MAD1L1: variants seen among roughly 807,000 people sequenced by gnomAD.
MAD1L1 encodes the protein mitotic arrest deficient 1 like 1, also known as mitotic spindle assembly checkpoint protein MAD1.
In MAD1L1, 95 loss-of-function variants were observed where a neutral mutation model predicts 96.9. That is an observed-to-expected ratio of 0.98 (90% CI 0.83 to 1.16). MAD1L1 has a LOEUF of 1.16. Ranked by LOEUF, MAD1L1 falls within the 50% of genes most tolerant of loss-of-function variation. The probability of loss-of-function intolerance (pLI) is 0.00; values close to 1 mark genes in which losing one functional copy is unlikely to be tolerated. For synonymous variants in MAD1L1, 473 were observed against 396.6 expected, an observed-to-expected ratio of 1.19 and a Z score of -2.29; for missense variants, 1,007 against 954.4, an observed-to-expected ratio of 1.06 and a Z score of -0.73.
intron 10 of MAD1L1, among the ~76,000 whole-genome samples, chr7:2,209,420 C>T (rs1419300088): frequency 6.6e-6 from 1 of 152,198 alleles, no homozygotes; most frequent in African/African-American, 2.4e-5. Flanking sequence ...AGCTCACAGC[C>T]CAGAGCCCAC....
At chr7:1,828,940 G>T (rs1471086850) in intron 18 of MAD1L1, among the ~76,000 whole-genome samples, 1 of 152,146 alleles carries the variant, frequency 6.6e-6, no homozygotes, top group Admixed American at 6.5e-5. Context: ...TACGGGGGAC[G>T]GATCCATGCC....
intron 16 of MAD1L1, among the ~76,000 whole-genome samples, chr7:1,946,290 C>T (rs994911435): frequency 2.6e-5 from 4 of 152,286 alleles, no homozygotes; most frequent in South Asian, 2.1e-4. Context: ...GCCCCGGCCC[C>T]GTGCACCCCA....
At chr7:2,172,695 G>A (rs529681970) in intron 10 of MAD1L1, among the ~76,000 whole-genome samples, 1 of 152,354 alleles carries the variant, frequency 6.6e-6, no homozygotes, top group African/African-American at 2.4e-5. Context: ...CCCTCGCACG[G>A]GTCTCCGTGG....
chr7:2,078,033 G>A (rs539910378), intron 11 of MAD1L1, among the ~76,000 whole-genome samples: 9 of 152,284 alleles, frequency 5.9e-5, no homozygotes, highest in South Asian at 2.1e-4. Flanking sequence ...ATCCACATTC[G>A]CTCCTTGCTA....
intron 18 of MAD1L1, among the ~76,000 whole-genome samples, chr7:1,872,103 C>T (rs1210733601): frequency 1.3e-5 from 2 of 152,180 alleles, no homozygotes; most frequent in African/African-American, 4.8e-5. Context: ...GGGGAGCCTC[C>T]TCCACACCCT....
chr7:2,098,665 C>T (rs961257638), intron 11 of MAD1L1, among the ~76,000 whole-genome samples: 4 of 152,190 alleles, frequency 2.6e-5, no homozygotes, highest in Non-Finnish European at 5.9e-5. Flanking sequence ...GGACACGGCA[C>T]ATGCAAGAGC....
At chr7:2,229,237 G>T (rs1317070812) in intron 3 of MAD1L1, among the ~76,000 whole-genome samples, 1 of 152,086 alleles carries the variant, frequency 6.6e-6, no homozygotes, top group Non-Finnish European at 1.5e-5. Flanking sequence ...AGGCAGAGGA[G>T]CCTAGAGGAG....
chr7:1,826,708 G>A (rs1276627587), intron 18 of MAD1L1, among the ~76,000 whole-genome samples: 3 of 152,264 alleles, frequency 2.0e-5, no homozygotes, highest in South Asian at 2.1e-4. Flanking sequence ...ACAGAACGCC[G>A]AGAACAAATG....
Position 2,159,311 on chromosome 7 carries a change from G to A in MAD1L1, c.987-10073C>T, listed in dbSNP as rs887496164. 8.5e-5 allele frequency among the ~76,000 whole-genome samples: 13 copies of A among 152,300 alleles called. No homozygotes were observed. In the South Asian group the frequency reaches 1.0e-3, roughly 12 times the overall value. On this transcript the variant is annotated intron_variant, in intron 10 of 18. Coordinates refer to ENST00000265854, the MANE Select transcript of MAD1L1 (RefSeq NM_001013836.2). ...TCACTGCCTCAAAACCTCCCACAAC[G>A]GGAGCCACATTCCCACCTCAGGTCC...
intron 18 of MAD1L1, among the ~76,000 whole-genome samples, chr7:1,891,134 T>C (rs116278754): frequency 0.027 from 4,044 of 152,182 alleles, 168 homozygotes; most frequent in African/African-American, 0.091. Flanking sequence ...GGACGAGGGG[T>C]GCGGGGCTAT....
intron 12 of MAD1L1, among the ~76,000 whole-genome samples, chr7:2,053,097 G>C (rs1784252866): frequency 6.6e-6 from 1 of 152,210 alleles, no homozygotes; most frequent in Admixed American, 6.5e-5. Flanking sequence ...CTCTGCCACT[G>C]ACAGCTACAC....
chr7:2,032,998 C>G (rs1783299371), intron 12 of MAD1L1, among the ~76,000 whole-genome samples: 1 of 152,260 alleles, frequency 6.6e-6, no homozygotes, highest in African/African-American at 2.4e-5. Context: ...CCACTGGTAT[C>G]ACGTGTCTAC....
intron 14 of MAD1L1, among the ~76,000 whole-genome samples, chr7:1,995,527 G>A (rs560169578): frequency 2.7e-4 from 41 of 152,308 alleles, no homozygotes; most frequent in Non-Finnish European, 5.0e-4. Context: ...TGTGTGGGAT[G>A]GAAGGGCGGG....
intron 3 of MAD1L1, among the ~76,000 whole-genome samples, chr7:2,229,457 A>G (rs1562393615): frequency 6.6e-6 from 1 of 152,230 alleles, no homozygotes; most frequent in Non-Finnish European, 1.5e-5. Flanking sequence ...AATGAAACAA[A>G]ATACAACTAT....
rs1243938045 is a variant in MAD1L1 at position 2,088,549 on chromosome 7, C to A, written c.1074-19211G>T. Among the ~76,000 whole-genome samples, 1 of 152,232 alleles carries A rather than the reference C, an allele frequency of 6.6e-6. No homozygotes were observed. The highest frequency in any genetic ancestry group is 2.4e-5 in the African/African-American group (1 of 41,462). ...GGAGCTGCCACTGCACGTGCACATC[C>A]ATCTCCCTGGGAGGCCGGGGAGATC... On this transcript the variant is annotated intron_variant, in intron 11 of 18. Transcript: ENST00000265854. This position sits in a 1 kb window ranked among gnomAD's most constrained non-coding sequence, Gnocchi z 4.4.
chr7:2,158,083 G>A lies in MAD1L1; in HGVS notation c.987-8845C>T, dbSNP rs183487183. Among the ~76,000 whole-genome samples, 88 of 152,318 alleles carry A rather than the reference G, an allele frequency of 5.8e-4. 1 individual carries two copies. Among genetic ancestry groups the A allele is most frequent in the African/African-American group, 1.9e-3 (81 of 41,578 alleles). On this transcript the variant is annotated intron_variant, in intron 10 of 18. Coordinates refer to ENST00000265854, the MANE Select transcript of MAD1L1 (RefSeq NM_001013836.2). ...CTGTGACATCTGCTGCTGAACACGC[G>A]GGCTTCAGCTGCGAAGCCTTTTAAA...
At chr7:1,817,117 CGG>C (rs1239381276) in intron 18 of MAD1L1, 1 of 152,242 alleles carries the variant, frequency 6.6e-6, no homozygotes, top group African/African-American at 2.4e-5. Context: ...CGCTGGGCAC[CGG>C]GGAAACGTGA....
intron 7 of MAD1L1, among the ~76,000 whole-genome samples, chr7:2,217,091 T>C (rs1414207373): frequency 6.6e-6 from 1 of 152,056 alleles, no homozygotes; most frequent in African/African-American, 2.4e-5. Context: ...CACTCCATGG[T>C]AAAACATCCC....
rs183178310 is a variant in MAD1L1, at chr7:1,885,402, T to G, written c.1998+12798A>C. Among the ~76,000 whole-genome samples the G allele has an allele frequency of 5.4e-3, 828 of 152,300 alleles. 14 individuals carry two copies. Among genetic ancestry groups the G allele is most frequent in the Admixed American group, 0.032 (497 of 15,300 alleles). On this transcript the variant is annotated intron_variant, in intron 18 of 18. Transcript: ENST00000265854. ...GATGGAGAGGGCTTAACGAGGGCTT[T>G]GAAGCTCAAACTCACAGCAGTGAGC...
Sources: allele counts gnomAD v4.1 joint callset (sites outside exome capture counted in the v4.1 genomes callset), GRCh38; gene constraint gnomAD v4.1.1; non-coding constraint Gnocchi (gnomAD v3.1); transcripts MANE v1.5; gene names NCBI Gene and HGNC (gene_info 2026-07-23, HGNC 2026-07-21).